PARD3: variants seen among roughly 807,000 people sequenced by gnomAD.
PARD3 encodes the protein partitioning defective 3 homolog.
PARD3 carries 75 observed loss-of-function variants against 155.4 expected under a neutral mutation model. That is an observed-to-expected ratio of 0.48 (90% CI 0.40 to 0.58). The LOEUF is 0.58. PARD3 is among the 20% of genes least tolerant of loss of function. The probability of loss-of-function intolerance (pLI) is 0.00; values close to 1 mark genes in which losing one functional copy is unlikely to be tolerated. For synonymous variants in PARD3, 576 were observed against 610.5 expected, an observed-to-expected ratio of 0.94 and a Z score of 0.83; for missense variants, 1,642 against 1,721.7, an observed-to-expected ratio of 0.95 and a Z score of 0.82.
chr10:34,493,946 A>C (rs555245945), intron 3 of PARD3, among the ~76,000 whole-genome samples: 2 of 152,302 alleles, frequency 1.3e-5, no homozygotes, highest in East Asian at 3.9e-4. Context: ...CTCAACATTC[A>C]GTGACATCAA....
At chr10:34,634,415 C>T (rs764478580) in intron 2 of PARD3, among the ~76,000 whole-genome samples, 34 of 152,294 alleles carry the variant, frequency 2.2e-4, no homozygotes, top group South Asian at 4.1e-4. Flanking sequence ...AATGTTTTCC[C>T]TCCAGGGGAG....
In PARD3 at chr10:34,416,356, A is replaced by C. The variant is rs1450065722; in HGVS notation, c.715-14439T>G. Among the ~76,000 whole-genome samples the C allele has an allele frequency of 2.0e-5, 3 of 152,172 alleles. No individual in the cohort carries two copies. In the East Asian group the frequency reaches 5.8e-4, roughly 29 times the overall value. ...TAAAAGACGTCCAGGAGAGTGGCTC[A>C]TTTCAGTGACACTTCACACCAACAT... On this transcript the variant is annotated intron_variant, in intron 5 of 24. Transcript: ENST00000374788.
intron 14 of PARD3, among the ~76,000 whole-genome samples, chr10:34,352,714 G>A (rs937763787): frequency 2.8e-4 from 43 of 152,320 alleles, no homozygotes; most frequent in East Asian, 9.7e-4. Context: ...CCTCGCAGCC[G>A]CCTGCCTTGG....
chr10:34,232,516 C>CT (rs1463097007), intron 22 of PARD3, among the ~76,000 whole-genome samples: 1 of 152,060 alleles, frequency 6.6e-6, no homozygotes, highest in Non-Finnish European at 1.5e-5. Flanking sequence ...AACAAGATGA[C>CT]TTTTATACAC....
At chr10:34,641,625 C>T (rs1020845670) in intron 2 of PARD3, among the ~76,000 whole-genome samples, 1 of 152,130 alleles carries the variant, frequency 6.6e-6, no homozygotes, top group Non-Finnish European at 1.5e-5. Flanking sequence ...TGGCCCAGCA[C>T]CCCCTCACCG....
At chr10:34,239,546 A>C (rs141551868) in intron 22 of PARD3, among the ~76,000 whole-genome samples, 1 of 152,294 alleles carries the variant, frequency 6.6e-6, no homozygotes, top group African/African-American at 2.4e-5. Flanking sequence ...TCATGCCTGT[A>C]ATCTCAGCAC....
chr10:34,646,742 T>C (rs1420984836), intron 2 of PARD3, among the ~76,000 whole-genome samples: 1 of 152,218 alleles, frequency 6.6e-6, no homozygotes, highest in Non-Finnish European at 1.5e-5. Flanking sequence ...CATAGCTCAC[T>C]GCAGCCACCA....
intron 12 of PARD3, among the ~76,000 whole-genome samples, chr10:34,360,485 CTT>C (rs1839337986): frequency 1.3e-5 from 2 of 152,018 alleles, no homozygotes; most frequent in Non-Finnish European, 2.9e-5. Flanking sequence ...TTGAACCAAA[CTT>C]AAATCAGATT....
At chr10:34,429,961 C>T (rs569288807) in intron 5 of PARD3, among the ~76,000 whole-genome samples, 18 of 152,122 alleles carry the variant, frequency 1.2e-4, no homozygotes, top group Non-Finnish European at 2.5e-4. Flanking sequence ...AACTCCTAGG[C>T]CCAAGCAATC....
intron 12 of PARD3, among the ~76,000 whole-genome samples, chr10:34,369,304 ATTTATTTAT>A (rs750769949): frequency 0.044 from 5,942 of 133,812 alleles, 284 homozygotes; most frequent in African/African-American, 0.17. Context: ...TTTGTGATTT[ATTTATTTAT>A]TTGTTTATTT....
chr10:34,212,778 A>T (rs1475392502), intron 22 of PARD3, among the ~76,000 whole-genome samples: 1 of 152,142 alleles, frequency 6.6e-6, no homozygotes, highest in Non-Finnish European at 1.5e-5. Context: ...TACATTGAGG[A>T]TGAACTGGAA....
intron 22 of PARD3, among the ~76,000 whole-genome samples, chr10:34,261,813 G>C (rs11009702): frequency 0.061 from 5,372 of 88,218 alleles, 368 homozygotes; most frequent in African/African-American, 0.15. Context: ...AAGAAAGAAA[G>C]AAAGAAAGAA....
intron 2 of PARD3, among the ~76,000 whole-genome samples, chr10:34,531,893 T>C (rs1233238836): frequency 6.6e-6 from 1 of 152,176 alleles, no homozygotes; most frequent in Admixed American, 6.5e-5. Flanking sequence ...TATTGTGATA[T>C]GCAATTTCCT....
chr10:34,613,215 C>G (rs1330245062), intron 2 of PARD3, among the ~76,000 whole-genome samples: 1 of 152,126 alleles, frequency 6.6e-6, no homozygotes, highest in Non-Finnish European at 1.5e-5. Context: ...TAAAACATAG[C>G]AAAGTGAACA....
intron 5 of PARD3, among the ~76,000 whole-genome samples, chr10:34,408,025 A>C (rs1033576885): frequency 6.6e-6 from 1 of 152,120 alleles, no homozygotes; most frequent in Admixed American, 6.6e-5. Flanking sequence ...TATAAAACTT[A>C]ATCTAGAAAC....
chr10:34,793,864 A>G (rs1841957044), intron 1 of PARD3, among the ~76,000 whole-genome samples: 2 of 152,188 alleles, frequency 1.3e-5, no homozygotes, highest in African/African-American at 4.8e-5. Context: ...ACCAGGAGAT[A>G]ATCCATAACA....
intron 3 of PARD3, among the ~76,000 whole-genome samples, chr10:34,516,597 A>C (rs2081781230): frequency 6.6e-6 from 1 of 152,204 alleles, no homozygotes; most frequent in African/African-American, 2.4e-5. Flanking sequence ...CAAATAATAT[A>C]AATGACGGTT....
chr10:34,576,604 C>G (rs1014538868), intron 2 of PARD3, among the ~76,000 whole-genome samples: 1 of 152,036 alleles, frequency 6.6e-6, no homozygotes, highest in African/African-American at 2.4e-5. Flanking sequence ...CTCTGCCCAC[C>G]CCTAATTTAG....
At chr10:34,787,419 G>A (rs895289709) in intron 1 of PARD3, among the ~76,000 whole-genome samples, 1 of 152,120 alleles carries the variant, frequency 6.6e-6, no homozygotes, top group Non-Finnish European at 1.5e-5. Flanking sequence ...GAGTCTTAAG[G>A]AAAGACAAGG....
Sources: allele counts gnomAD v4.1 joint callset (sites outside exome capture counted in the v4.1 genomes callset), GRCh38; gene constraint gnomAD v4.1.1; transcripts MANE v1.5; gene names NCBI Gene and HGNC (gene_info 2026-07-23, HGNC 2026-07-21).